NT5C1A: variants seen among roughly 807,000 people sequenced by gnomAD.
NT5C1A encodes cytosolic 5'-nucleotidase 1A.
NT5C1A carries 18 observed loss-of-function variants against 31.0 expected under a neutral mutation model. The observed-to-expected ratio is 0.58, with a 90% CI of 0.40 to 0.86. The LOEUF is 0.86. Ranked by LOEUF, NT5C1A falls within the 40% of genes least tolerant of loss-of-function variation. The probability of loss-of-function intolerance (pLI) is 0.00; values close to 1 mark genes in which losing one functional copy is unlikely to be tolerated. For synonymous variants in NT5C1A, 185 were observed against 203.6 expected, an observed-to-expected ratio of 0.91 and a Z score of 0.78; for missense variants, 470 against 505.4, an observed-to-expected ratio of 0.93 and a Z score of 0.67.
At chr1:39,668,318 C>T (rs1646533758) in intron 1 of NT5C1A, among the ~76,000 whole-genome samples, 1 of 152,168 alleles carries the variant, frequency 6.6e-6, no homozygotes, top group Non-Finnish European at 1.5e-5. Context: ...GGCAGGTTCC[C>T]AAGCCTGCCA....
chr1:39,659,507 C>A, intron 5 of NT5C1A, 21 bp from the exon 6 acceptor site: 4 of 1,535,402 alleles, frequency 2.6e-6, no homozygotes, highest in Middle Eastern at 1.8e-4. Context: ...GCAAGGGGAA[C>A]ATTGTTAGCT....
Position 39,654,380 on chromosome 1 carries a change from A to G in NT5C1A, c.*4741T>C, listed in dbSNP as rs1646449329. On this transcript the variant is annotated 3_prime_UTR_variant, in exon 6 of 6. Transcript: ENST00000235628. ...TGACCTTGTTGGCTCGGAGCTGCTG[A>G]AATCAACACTGGGCACTTCAATCTA... is the stretch of plus-strand genomic sequence containing the variant. Among the ~76,000 whole-genome samples the G allele has an allele frequency of 6.6e-6, 1 of 152,218 alleles. No individual in the cohort carries two copies. Among genetic ancestry groups the G allele is most frequent in the Non-Finnish European group, 1.5e-5 (1 of 68,038 alleles).
intron 5 of NT5C1A, 23 bp downstream of exon 5, chr1:39,661,056 G>C: frequency 6.7e-7 from 1 of 1,482,972 alleles, no homozygotes; most frequent in Non-Finnish European, 9.4e-7. Flanking sequence ...TCCTCTCAGG[G>C]GTTCTGGGTC....
intron 4 of NT5C1A, among the ~76,000 whole-genome samples, chr1:39,662,466 C>T (rs893570659): frequency 5.5e-4 from 83 of 152,188 alleles, no homozygotes; most frequent in African/African-American, 1.9e-3. Flanking sequence ...GAGGGTGTGA[C>T]ATCTGTCTAG....
At chr1:39,668,355 C>T (rs1227623626) in intron 1 of NT5C1A, among the ~76,000 whole-genome samples, 1 of 152,210 alleles carries the variant, frequency 6.6e-6, no homozygotes, top group Non-Finnish European at 1.5e-5. Context: ...CAGCTAAGGT[C>T]TCGCTCCTCA....
chr1:39,660,528 A>G (rs1646487837), intron 5 of NT5C1A, among the ~76,000 whole-genome samples: 4 of 152,056 alleles, frequency 2.6e-5, no homozygotes, highest in Admixed American at 2.6e-4. Context: ...CCCAGATGTC[A>G]CACCCAGCTG....
Position 39,663,376 on chromosome 1 carries a change from C to T in NT5C1A, c.492G>A (p.Lys164=). ...TGGNSPICYL[K]AYHTNLYLSA... ...ACAAGTAGAGGTTGGTGTGATAGGC[C>T]TTGAGGTAGCAGATCGGGCTGTTCC... The change falls in exon 4 of 6, where the codon AAG becomes AAA. Residue 164 remains lysine, a synonymous_variant. Transcript: ENST00000235628. 5.0e-6 allele frequency: 8 copies of T among 1,614,122 alleles called. No homozygotes were observed. The highest frequency in any genetic ancestry group is 6.8e-6 in the Non-Finnish European group (8 of 1,180,028).
intron 1 of NT5C1A, among the ~76,000 whole-genome samples, chr1:39,668,042 A>G (rs1467696025): frequency 6.6e-6 from 1 of 152,232 alleles, no homozygotes; most frequent in African/African-American, 2.4e-5. Context: ...TGTGGCCAGC[A>G]AGGTCTGCAT....
rs1352029908 is a variant in NT5C1A at position 39,666,194 on chromosome 1, C to T, written c.178G>A (p.Ala60Thr). ...NAVTIAVSSRALFRMDEEQQI... is the reference protein window; with the variant it reads ...NAVTIAVSSRTLFRMDEEQQI... The stretch of plus-strand genomic sequence containing the variant: ...TGCTCCTCGTCCATGCGAAACAAGG[C>T]TCGGGAGGACACAGCGATGGTGACT... The change falls in exon 2 of 6, where the codon GCC becomes ACC. Residue 60 changes from alanine (A) to threonine (T), a missense_variant. Ala to Thr is a moderately conservative substitution (Grantham distance 58). Transcript: ENST00000235628. 2 of 1,613,306 alleles carry T rather than the reference C, an allele frequency of 1.2e-6. No homozygotes were observed. The highest frequency in any genetic ancestry group is 2.7e-5 in the African/African-American group (2 of 74,962).
At chr1:39,666,260 T>A (rs1158771554) in intron 1 of NT5C1A, 24 bp from the exon 2 acceptor site, 1 of 1,609,956 alleles carries the variant, frequency 6.2e-7, no homozygotes, top group East Asian at 2.2e-5. Context: ...GGAGAAGGGG[T>A]TGTCACTCAG....
chr1:39,672,095 C>T lies in NT5C1A; in HGVS notation c.-57G>A. On this transcript the variant is annotated 5_prime_UTR_variant, in exon 1 of 6. Coordinates refer to ENST00000235628, the MANE Select transcript of NT5C1A (RefSeq NM_032526.3). ...GGCGGCGGCGTAGACGCGGAGGTGG[C>T]TGGGGCTGGGCTGCAGGAGGGAGGC... 3 of 1,312,824 alleles carry T rather than the reference C, an allele frequency of 2.3e-6. No individual in the cohort carries two copies. Among genetic ancestry groups the T allele is most frequent in the Non-Finnish European group, 3.0e-6 (3 of 983,904 alleles). 81.3% of individuals were successfully genotyped at this position (1,312,824 alleles called of 1,614,324 possible).
At chr1:39,664,870 A>C (rs1413712581) in intron 3 of NT5C1A, among the ~76,000 whole-genome samples, 2 of 151,980 alleles carry the variant, frequency 1.3e-5, no homozygotes, top group Admixed American at 1.3e-4. Flanking sequence ...AAAAGAGCAA[A>C]CTTGCTAGAG....
chr1:39,670,579 G>A (rs1372130795), intron 1 of NT5C1A, among the ~76,000 whole-genome samples: 2 of 152,146 alleles, frequency 1.3e-5, no homozygotes, highest in Non-Finnish European at 2.9e-5. Flanking sequence ...ATGGGGCTTG[G>A]GGAAGCTAGT....
intron 3 of NT5C1A, 66 bp from the exon 4 acceptor site, chr1:39,663,500 G>A: frequency 6.5e-7 from 1 of 1,544,624 alleles, no homozygotes; most frequent in Non-Finnish European, 8.9e-7. Flanking sequence ...CAGTCTCTCT[G>A]TGCCCAGTGC....
intron 3 of NT5C1A, 138 bp from the exon 4 acceptor site, chr1:39,663,572 A>T: frequency 1.3e-6 from 1 of 799,520 alleles, no homozygotes; most frequent in South Asian, 1.8e-5. Flanking sequence ...ATTTTAGGCC[A>T]GTGTTCCCCT....
intron 2 of NT5C1A, among the ~76,000 whole-genome samples, 163 bp from the exon 3 acceptor site, chr1:39,665,813 C>G: frequency 6.6e-6 from 1 of 152,194 alleles, no homozygotes; most frequent in East Asian, 1.9e-4. Flanking sequence ...TCAGGGGTAC[C>G]TCGCTAGAGA....
chr1:39,653,847 C>T lies in NT5C1A; in HGVS notation c.*5274G>A, dbSNP rs565159546. Among the ~76,000 whole-genome samples, 6 of 152,316 alleles carry T rather than the reference C, an allele frequency of 3.9e-5. No individual in the cohort carries two copies. The highest frequency in any genetic ancestry group is 3.9e-4 in the Admixed American group (6 of 15,304). ...CCAAGTCAGGTGAGGCTCTGACATC[C>T]TCAGAGTTGCATCATATCCTCAGAG... On this transcript the variant is annotated 3_prime_UTR_variant, in exon 6 of 6. Coordinates refer to ENST00000235628, the MANE Select transcript of NT5C1A (RefSeq NM_032526.3).
intron 1 of NT5C1A, among the ~76,000 whole-genome samples, chr1:39,670,622 A>AG (rs1646545718): frequency 6.6e-6 from 1 of 152,242 alleles, no homozygotes; most frequent in Admixed American, 6.5e-5. Context: ...AGTAAGGTCC[A>AG]GACTCCTTAA....
chr1:39,669,154 G>A (rs953795299), intron 1 of NT5C1A, among the ~76,000 whole-genome samples: 1 of 152,214 alleles, frequency 6.6e-6, no homozygotes, highest in African/African-American at 2.4e-5. Flanking sequence ...CTGAGCTCCA[G>A]GAAACCAGGG....
Sources: gnomAD v4.1 joint callset for allele counts (sites outside exome capture counted in the v4.1 genomes callset) on GRCh38, gnomAD v4.1.1 for gene constraint, MANE v1.5 for transcripts, NCBI Gene and HGNC (gene_info 2026-07-23, HGNC 2026-07-21) for gene names.